The following ROBO2 variants were observed in gnomAD, a reference collection of about 807,000 sequenced individuals.
The protein encoded by ROBO2 is roundabout homolog 2.
ROBO2 carries 53 observed loss-of-function variants against 160.8 expected under a neutral mutation model. The observed-to-expected ratio is 0.33, with a 90% confidence interval of 0.26 to 0.41. ROBO2 has a LOEUF of 0.41. ROBO2 is among the 10% of genes least tolerant of loss of function. The probability of loss-of-function intolerance (pLI) is 1.00; values close to 1 mark genes in which losing one functional copy is unlikely to be tolerated. For synonymous variants in ROBO2, 664 were observed against 611.7 expected (o/e 1.09, Z -1.26); for missense variants, 1,577 against 1,722.4 (o/e 0.92, Z 1.49).
At chr3:77,621,698 T>C (rs2094903597) in intron 22 of ROBO2, among the ~76,000 whole-genome samples, 1 of 152,110 alleles carries the variant, frequency 6.6e-6, no homozygotes, top group South Asian at 2.1e-4. Context: ...GGAAATAGCC[T>C]TCCAGCCTTG....
At chr3:76,643,593 G>T (rs1435578643) in intron 2 of ROBO2, among the ~76,000 whole-genome samples, 1 of 152,120 alleles carries the variant, frequency 6.6e-6, no homozygotes, top group Non-Finnish European at 1.5e-5. Context: ...CCAGGAAAAA[G>T]GAGGATGTGC....
At chr3:76,329,479 A>G (rs1487979101) in intron 2 of ROBO2, among the ~76,000 whole-genome samples, 1 of 152,172 alleles carries the variant, frequency 6.6e-6, no homozygotes, top group East Asian at 1.9e-4. Context: ...GGGCCTCTCA[A>G]AGTGCTGGGA....
chr3:77,582,455 A>T (rs540105757), intron 16 of ROBO2, among the ~76,000 whole-genome samples: 1 of 152,254 alleles, frequency 6.6e-6, no homozygotes, highest in South Asian at 2.1e-4. Context: ...TGTTATTATT[A>T]ATGTAATCAT....
chr3:77,352,952 A>G (rs2153459896), intron 2 of ROBO2, among the ~76,000 whole-genome samples: 1 of 152,334 alleles, frequency 6.6e-6, no homozygotes, highest in African/African-American at 2.4e-5. Flanking sequence ...AGTTTGTCTC[A>G]ATAGACTTAT....
Position 77,642,652 on chromosome 3 carries a change from C to T in ROBO2, c.3935-2052C>T, listed in dbSNP as rs1352239019. On this transcript the variant is annotated intron_variant, in intron 24 of 25. Transcript: ENST00000461745. ...TCATTAAATTTTAGTCCATTCTAAA[C>T]ATTATTCAAAATTTTTAGATCTTCC... is the stretch of plus-strand genomic sequence containing the variant. 1 of 451,344 alleles carries T rather than the reference C, an allele frequency of 2.2e-6. No individual in the cohort carries two copies. The highest frequency in any genetic ancestry group is 2.0e-5 in the African/African-American group (1 of 49,496). 28.0% of individuals were successfully genotyped at this position (451,344 alleles called of 1,614,324 possible).
chr3:77,036,224 C>T (rs1315123827), upstream of ROBO2, among the ~76,000 whole-genome samples: 4 of 151,858 alleles, frequency 2.6e-5, no homozygotes, highest in Non-Finnish European at 5.9e-5. Flanking sequence ...ACATAAGCCT[C>T]TTATAGGAAT....
At chr3:76,289,730 TA>T (rs1444977461) in intron 2 of ROBO2, among the ~76,000 whole-genome samples, 10 of 152,106 alleles carry the variant, frequency 6.6e-5, no homozygotes, top group Non-Finnish European at 1.5e-4. Flanking sequence ...TATCCCAGCA[TA>T]ATTTATTGAC....
At chr3:76,177,029 A>G (rs945613125) in intron 2 of ROBO2, among the ~76,000 whole-genome samples, 8 of 152,168 alleles carry the variant, frequency 5.3e-5, no homozygotes, top group African/African-American at 1.9e-4. Context: ...CAGTCTCCAA[A>G]TCTTTTCAGA....
At chr3:75,998,678 C>T (rs1161618044) in intron 2 of ROBO2, among the ~76,000 whole-genome samples, 1 of 152,118 alleles carries the variant, frequency 6.6e-6, no homozygotes, top group Non-Finnish European at 1.5e-5. Flanking sequence ...AGGCGTATCC[C>T]TCTCCATGCA....
intron 8 of ROBO2, among the ~76,000 whole-genome samples, chr3:77,554,223 C>A (rs374358026): frequency 6.6e-6 from 1 of 151,346 alleles, no homozygotes; most frequent in African/African-American, 2.4e-5. Context: ...GTTTACCTAC[C>A]GAAATATTTT....
rs535722524 is a variant in ROBO2 at position 77,263,905 on chromosome 3, G to C, written c.388+165565G>C. 2.6e-4 allele frequency among the ~76,000 whole-genome samples: 39 copies of C among 152,268 alleles called. 1 individual carries two copies. Among genetic ancestry groups the C allele is most frequent in the African/African-American group, 7.9e-4 (33 of 41,552 alleles). On this transcript the variant is annotated intron_variant, in intron 2 of 25. Transcript: ENST00000461745. ...ACATAGTTAGTGTTACTTAATCTAA[G>C]CATTGTGTCTTGGTGTTCTCAGATG...
chr3:77,276,760 G>C (rs1436099310), intron 2 of ROBO2, among the ~76,000 whole-genome samples: 1 of 152,084 alleles, frequency 6.6e-6, no homozygotes, highest in Non-Finnish European at 1.5e-5. Context: ...AATGTATAAA[G>C]GAAAGAGGTT....
chr3:77,271,987 A>C (rs1005843773), intron 2 of ROBO2, among the ~76,000 whole-genome samples: 1 of 152,216 alleles, frequency 6.6e-6, no homozygotes, highest in East Asian at 1.9e-4. Flanking sequence ...GTGTACAAAG[A>C]AGCACTTAAT....
chr3:76,848,037 A>G (rs1203045092), intron 2 of ROBO2, among the ~76,000 whole-genome samples: 1 of 152,170 alleles, frequency 6.6e-6, no homozygotes, highest in East Asian at 1.9e-4. Flanking sequence ...TCTGGAAACT[A>G]CCAGTTTATG....
chr3:77,522,663 G>A (rs1043285443), intron 5 of ROBO2, 112 bp from the exon 6 acceptor site: 25 of 1,037,894 alleles, frequency 2.4e-5, no homozygotes, highest in Non-Finnish European at 3.5e-5. Context: ...GTGTGTGTGT[G>A]TATTTGTGTT....
intron 2 of ROBO2, among the ~76,000 whole-genome samples, chr3:77,213,229 G>A (rs2084436455): frequency 1.3e-5 from 2 of 151,988 alleles, no homozygotes; most frequent in Non-Finnish European, 1.5e-5. Flanking sequence ...TGGTTGTTAA[G>A]CTATTAATTA....
At chr3:76,018,929 A>G (rs1455735347) in intron 2 of ROBO2, among the ~76,000 whole-genome samples, 2 of 151,652 alleles carry the variant, frequency 1.3e-5, no homozygotes, top group Admixed American at 6.6e-5. Flanking sequence ...TTCTGTGCAT[A>G]TCTGAGAATA....
intron 2 of ROBO2, among the ~76,000 whole-genome samples, chr3:76,917,920 T>C (rs2076424176): frequency 6.6e-6 from 1 of 152,124 alleles, no homozygotes; most frequent in Non-Finnish European, 1.5e-5. Context: ...GTTTTCTAGA[T>C]ATTAAGAAGA....
chr3:76,638,208 C>T (rs2090444247), intron 2 of ROBO2, among the ~76,000 whole-genome samples: 1 of 152,098 alleles, frequency 6.6e-6, no homozygotes, highest in African/African-American at 2.4e-5. Flanking sequence ...CATTTGAATG[C>T]TTTTGTGACT....
Sources: allele counts gnomAD v4.1 joint callset (sites outside exome capture counted in the v4.1 genomes callset), GRCh38; gene constraint gnomAD v4.1.1; transcripts MANE v1.5; gene names NCBI Gene and HGNC (gene_info 2026-07-23, HGNC 2026-07-21).